IL1RAPL1: variants seen among roughly 807,000 people sequenced by gnomAD.
IL1RAPL1 encodes the protein interleukin 1 receptor accessory protein like 1, also known as interleukin-1 receptor accessory protein-like 1.
In IL1RAPL1, 3 loss-of-function variants were observed where a neutral mutation model predicts 48.4. The ratio of observed to expected loss-of-function variants is 0.06; its 90% CI spans 0.03 to 0.16. The LOEUF is 0.16. Among genes scored for constraint, IL1RAPL1 ranks in the 10% least tolerant of loss-of-function variants. The pLI is 1.00. For synonymous variants in IL1RAPL1, 185 were observed against 187.7 expected, an observed-to-expected ratio of 0.99 and a Z score of 0.12; for missense variants, 349 against 530.6, an observed-to-expected ratio of 0.66 and a Z score of 3.36.
At chrX:28,719,724 A>T (rs778528129) in intron 1 of IL1RAPL1, among the ~76,000 whole-genome samples, 1 of 111,172 alleles carries the variant, frequency 9.0e-6, no homozygotes, top group South Asian at 3.8e-4. Flanking sequence ...GAGACAATTC[A>T]ATTTTCCCAG....
chrX:29,131,966 C>G (rs1929031838), intron 2 of IL1RAPL1, among the ~76,000 whole-genome samples: 1 of 111,422 alleles, frequency 9.0e-6, no homozygotes, highest in African/African-American at 3.3e-5. Flanking sequence ...CTGCAAATCA[C>G]AGATCTCTCA....
In IL1RAPL1 at chrX:29,605,071, A is replaced by AACACAC. The variant is rs757087732; in HGVS notation, c.704-63308_704-63303dup. Among the ~76,000 whole-genome samples the AACACAC allele has an allele frequency of 6.0e-3, 393 of 65,051 alleles. 1 individual carries two copies. Among genetic ancestry groups the AACACAC allele is most frequent in the African/African-American group, 0.012 (225 of 18,011 alleles). The allele number at this position is 65,051 out of a possible 115,157, so 56.5% of individuals were successfully genotyped here. A position where few individuals can be genotyped will look rare whatever the true frequency, so the allele number is the denominator to read the frequency against. On this transcript the variant is annotated intron_variant, in intron 5 of 10. Coordinates refer to ENST00000378993, the MANE Select transcript of IL1RAPL1 (RefSeq NM_014271.4). ...CTGTGCTAAAATTTCCTAAGTCTTA[A>AACACAC]ACACACACACACACACACACACACA... is the stretch of plus-strand genomic sequence containing the variant.
intron 1 of IL1RAPL1, among the ~76,000 whole-genome samples, chrX:28,614,311 C>T (rs763256290): frequency 2.7e-5 from 3 of 110,550 alleles, no homozygotes; most frequent in South Asian, 3.8e-4. Context: ...AAACACTGCA[C>T]GGTTCCATGT....
At chrX:28,622,505 T>G (rs1189856693) in intron 1 of IL1RAPL1, among the ~76,000 whole-genome samples, 1 of 112,158 alleles carries the variant, frequency 8.9e-6, no homozygotes, top group Non-Finnish European at 1.9e-5. Flanking sequence ...CAGTAAAATT[T>G]TATCTATGTG....
Position 29,269,832 on chromosome X carries a change from A to G in IL1RAPL1, c.83-13106A>G, listed in dbSNP as rs148623894. On this transcript the variant is annotated intron_variant, in intron 2 of 10. Coordinates refer to ENST00000378993, the MANE Select transcript of IL1RAPL1 (RefSeq NM_014271.4). Reference sequence around the variant, plus strand: ...AGCGATTTGGTATGTTTTGACATATATATAAACTCATGAAACTATCATCAC... The same window carrying G: ...AGCGATTTGGTATGTTTTGACATATGTATAAACTCATGAAACTATCATCAC... Among the ~76,000 whole-genome samples, 34 of 111,149 alleles carry G rather than the reference A, an allele frequency of 3.1e-4. No homozygotes were observed. The East Asian group carries it at 4.8e-3, about 16-fold the overall frequency.
chrX:29,839,100 A>G (rs1931078799), intron 6 of IL1RAPL1, among the ~76,000 whole-genome samples: 2 of 112,461 alleles, frequency 1.8e-5, no homozygotes, highest in Admixed American at 1.9e-4. Flanking sequence ...GACAGACTGA[A>G]GGGTACTGTC....
chrX:29,012,264 G>A (rs1240565690), intron 2 of IL1RAPL1, among the ~76,000 whole-genome samples: 2 of 112,360 alleles, frequency 1.8e-5, no homozygotes, highest in Admixed American at 1.9e-4. Flanking sequence ...AGGCCCTGGC[G>A]GGGTGAGGTG....
intron 6 of IL1RAPL1, among the ~76,000 whole-genome samples, chrX:29,746,019 CTTA>C (rs1422443484): frequency 9.0e-6 from 1 of 111,362 alleles, no homozygotes; most frequent in Non-Finnish European, 1.9e-5. Context: ...AAATTCCTAG[CTTA>C]TTATTTTACA....
At chrX:29,603,391 G>T (rs1198864413) in intron 5 of IL1RAPL1, among the ~76,000 whole-genome samples, 1 of 111,665 alleles carries the variant, frequency 9.0e-6, no homozygotes, top group Non-Finnish European at 1.9e-5. Flanking sequence ...TGGCAGTCAG[G>T]AATCCCAAAT....
intron 5 of IL1RAPL1, among the ~76,000 whole-genome samples, chrX:29,512,833 G>T (rs973852574): frequency 3.6e-5 from 4 of 111,753 alleles, no homozygotes; most frequent in African/African-American, 6.5e-5. Flanking sequence ...CTTGTAAACT[G>T]TAGTAAAGCC....
intron 6 of IL1RAPL1, among the ~76,000 whole-genome samples, chrX:29,718,742 C>G (rs1436147342): frequency 9.0e-6 from 1 of 110,863 alleles, no homozygotes; most frequent in Non-Finnish European, 1.9e-5. Context: ...TGAGCACTCT[C>G]TTCCCATTGC....
chrX:28,784,763 C>A (rs1936458132), intron 1 of IL1RAPL1, among the ~76,000 whole-genome samples: 1 of 111,077 alleles, frequency 9.0e-6, no homozygotes, highest in Non-Finnish European at 1.9e-5. Context: ...CCTTTCACTT[C>A]CAAATTTACC....
intron 6 of IL1RAPL1, among the ~76,000 whole-genome samples, chrX:29,809,670 G>A (rs748538324): frequency 1.8e-5 from 2 of 110,496 alleles, no homozygotes; most frequent in Admixed American, 9.7e-5. Flanking sequence ...TTTTATTGTG[G>A]TGGTTGTTCA....
At chrX:28,751,762 A>G (rs1390100609) in intron 1 of IL1RAPL1, among the ~76,000 whole-genome samples, 4 of 112,058 alleles carry the variant, frequency 3.6e-5, no homozygotes, top group Non-Finnish European at 5.6e-5. Context: ...TTCAATGTAC[A>G]TCTTCAAAAT....
At chrX:28,782,552 G>A (rs1936434464) in intron 1 of IL1RAPL1, among the ~76,000 whole-genome samples, 3 of 111,346 alleles carry the variant, frequency 2.7e-5, no homozygotes, top group South Asian at 3.6e-4. Flanking sequence ...AACTATCCTT[G>A]CCCTCATTCT....
At position 29,956,668 on chromosome X, in the gene IL1RAPL1, TA is replaced by T. The variant is rs1933428236; in HGVS notation, c.*849del. The T allele has an allele frequency of 1.1e-5, 1 of 92,032 alleles. No homozygotes were observed. The highest frequency in any genetic ancestry group is 2.1e-5 in the Non-Finnish European group (1 of 47,625). The allele number at this position is 92,032 out of a possible 1,213,427, so 7.6% of individuals were successfully genotyped here. On this transcript the variant is annotated 3_prime_UTR_variant, in exon 11 of 11. Coordinates refer to ENST00000378993, the MANE Select transcript of IL1RAPL1 (RefSeq NM_014271.4). ...TGATGTACCCTTATATATATATACA[TA>T]TATATATAAATATAAATATATATAA...
At chrX:29,008,981 T>C (rs1192334538) in intron 2 of IL1RAPL1, among the ~76,000 whole-genome samples, 1 of 111,115 alleles carries the variant, frequency 9.0e-6, no homozygotes, top group Non-Finnish European at 1.9e-5. Flanking sequence ...TGCATCCATG[T>C]TGCTGCAATG....
chrX:29,197,578 A>C, intron 2 of IL1RAPL1, among the ~76,000 whole-genome samples: 1 of 111,596 alleles, frequency 9.0e-6, no homozygotes, highest in South Asian at 3.7e-4. Flanking sequence ...TATACATCCT[A>C]TATTATAGGG....
intron 1 of IL1RAPL1, among the ~76,000 whole-genome samples, chrX:28,659,620 A>G (rs1934794230): frequency 9.0e-6 from 1 of 111,651 alleles, no homozygotes; most frequent in Non-Finnish European, 1.9e-5. Context: ...TGCGAACACA[A>G]TTGCTCCAAT....
Sources: gnomAD v4.1 joint callset for allele counts (sites outside exome capture counted in the v4.1 genomes callset) on GRCh38, gnomAD v4.1.1 for gene constraint, MANE v1.5 for transcripts, NCBI Gene and HGNC (gene_info 2026-07-23, HGNC 2026-07-21) for gene names.